Variants in PPFIBP2 observed in about 807,000 individuals in gnomAD.
The protein encoded by PPFIBP2 is PPFIB scaffold protein 2, also known as liprin-beta-2.
PPFIBP2 carries 118 observed loss-of-function variants against 118.3 expected under a neutral mutation model. The ratio of observed to expected loss-of-function variants is 1.00; its 90% confidence interval spans 0.86 to 1.16. The LOEUF (loss-of-function observed/expected upper bound fraction) is 1.16. Among genes scored for constraint, PPFIBP2 ranks in the 50% most tolerant of loss-of-function variants. The probability of loss-of-function intolerance (pLI) is 0.00; values close to 1 mark genes in which losing one functional copy is unlikely to be tolerated. For missense variants in PPFIBP2, 1,195 were observed against 1,073.1 expected, an observed-to-expected ratio of 1.11 and a Z score of -1.59; for synonymous variants, 414 against 397.4, an observed-to-expected ratio of 1.04 and a Z score of -0.50.
chr11:7,642,573 G>A (rs528797121), intron 17 of PPFIBP2, 147 bp downstream of exon 17: 8 of 862,070 alleles, frequency 9.3e-6, no homozygotes, highest in African/African-American at 1.7e-5. Context: ...CCTACAGTAC[G>A]TCATTTCCAG....
chr11:7,634,910 C>G (rs988661325), intron 13 of PPFIBP2, among the ~76,000 whole-genome samples: 1 of 152,030 alleles, frequency 6.6e-6, no homozygotes. Context: ...ACTACTAGTC[C>G]TATATCCCTG....
At chr11:7,550,045 G>A (rs542717445) in intron 2 of PPFIBP2, among the ~76,000 whole-genome samples, 1 of 152,118 alleles carries the variant, frequency 6.6e-6, no homozygotes, top group African/African-American at 2.4e-5. Flanking sequence ...CAACTGTTTG[G>A]TTTTAATATT....
intron 17 of PPFIBP2, chr11:7,648,123 G>A: frequency 2.5e-6 from 1 of 397,176 alleles, no homozygotes; most frequent in East Asian, 4.5e-5. Context: ...ATCTCAGGAG[G>A]GCCATACAGG....
intron 2 of PPFIBP2, among the ~76,000 whole-genome samples, chr11:7,561,170 C>T (rs1012591358): frequency 3.3e-5 from 5 of 152,162 alleles, no homozygotes; most frequent in African/African-American, 4.8e-5. Flanking sequence ...CAGGTTCAAG[C>T]GATTTTTCTG....
Position 7,639,870 on chromosome 11 carries a change from A to C in PPFIBP2, c.1375A>C (p.Arg459=). ...CACGGGGAGCAGCCTGCTGAGGCTG[A>C]GTGAGTGTCCAGCCCTGGTGCTGGT... ...DATGSSLLRL[R]DTESGWDDTA... The change falls in exon 15 of 24, where the codon AGA becomes CGA. Residue 459 remains arginine, a splice_region_variant and synonymous_variant. Coordinates refer to ENST00000299492, the MANE Select transcript of PPFIBP2 (RefSeq NM_003621.5). The C allele has an allele frequency of 6.2e-7, 1 of 1,613,720 alleles. No individual in the cohort carries two copies. Among genetic ancestry groups the C allele is most frequent in the Non-Finnish European group, 8.5e-7 (1 of 1,179,856 alleles).
At chr11:7,621,878 A>T (rs1490183034) in intron 7 of PPFIBP2, among the ~76,000 whole-genome samples, 1 of 152,206 alleles carries the variant, frequency 6.6e-6, no homozygotes, top group Admixed American at 6.5e-5. Flanking sequence ...TGTGCAAGTT[A>T]GTTGCTAATT....
chr11:7,649,757 C>T, intron 21 of PPFIBP2, 103 bp downstream of exon 21: 1 of 1,490,118 alleles, frequency 6.7e-7, no homozygotes, highest in Non-Finnish European at 9.1e-7. Flanking sequence ...CTGTTTTTTG[C>T]ACCATGGTGC....
At chr11:7,582,715 G>A (rs61890235) in intron 3 of PPFIBP2, among the ~76,000 whole-genome samples, 37 of 148,202 alleles carry the variant, frequency 2.5e-4, no homozygotes, top group African/African-American at 7.5e-4. Context: ...CAATGTCATA[G>A]GAAAAAAAAA....
At chr11:7,620,644 T>G (rs7118058) in intron 6 of PPFIBP2, among the ~76,000 whole-genome samples, 126,663 of 152,116 alleles carry the variant, frequency 0.83, 53,733 homozygotes, top group Non-Finnish European at 0.92. Context: ...TACTCATGTG[T>G]GTGATGTTGG....
chr11:7,634,279 C>G (rs1158913475), intron 12 of PPFIBP2, among the ~76,000 whole-genome samples: 3 of 152,212 alleles, frequency 2.0e-5, no homozygotes, highest in Admixed American at 6.5e-5. Flanking sequence ...TTAAGTGACC[C>G]TGTCATGCCC....
At chr11:7,629,199 G>A (rs1395133652) in intron 9 of PPFIBP2, among the ~76,000 whole-genome samples, 3 of 152,156 alleles carry the variant, frequency 2.0e-5, no homozygotes, top group East Asian at 1.9e-4. Context: ...AGTGAGTTTC[G>A]TGCTTCTGAA....
At chr11:7,639,594 T>TA in intron 14 of PPFIBP2, 138 bp from the exon 15 acceptor site, 1 of 1,102,484 alleles carries the variant, frequency 9.1e-7, no homozygotes. Flanking sequence ...ACTAGCTAAA[T>TA]AATCTTTGAG....
At chr11:7,532,826 C>G (rs1264324726) in intron 1 of PPFIBP2, among the ~76,000 whole-genome samples, 1 of 152,180 alleles carries the variant, frequency 6.6e-6, no homozygotes, top group Non-Finnish European at 1.5e-5. Flanking sequence ...TGCATTGAAT[C>G]AAAATTAAAC....
At chr11:7,656,920 C>A, downstream of PPFIBP2, 1 of 683,964 alleles carries the variant, frequency 1.5e-6, no homozygotes, top group Non-Finnish European at 2.3e-6. Context: ...GTGTCTCAGA[C>A]AGGCTGCTGA....
At chr11:7,592,440 C>T (rs1859506621) in intron 3 of PPFIBP2, among the ~76,000 whole-genome samples, 1 of 152,102 alleles carries the variant, frequency 6.6e-6, no homozygotes, top group African/African-American at 2.4e-5. Context: ...TCTGGCATCC[C>T]TCTGGCTATT....
chr11:7,537,082 G>T (rs374607858), intron 1 of PPFIBP2, among the ~76,000 whole-genome samples: 1 of 152,090 alleles, frequency 6.6e-6, no homozygotes, highest in African/African-American at 2.4e-5. Flanking sequence ...CTCCTCCTAC[G>T]TTATTGCTGG....
chr11:7,523,759 C>A (rs181148840), intron 1 of PPFIBP2, among the ~76,000 whole-genome samples: 2 of 152,252 alleles, frequency 1.3e-5, no homozygotes, highest in Non-Finnish European at 2.9e-5. Flanking sequence ...CTGTGGTGTT[C>A]CCAGGTGGCT....
At chr11:7,597,050 T>C in intron 4 of PPFIBP2, 1 of 829,262 alleles carries the variant, frequency 1.2e-6, no homozygotes, top group Non-Finnish European at 1.7e-6. Flanking sequence ...TCAGTGCTAA[T>C]ACATGCCCTT....
chr11:7,546,674 G>T (rs899082070), intron 1 of PPFIBP2, among the ~76,000 whole-genome samples: 5 of 152,208 alleles, frequency 3.3e-5, no homozygotes, highest in African/African-American at 1.2e-4. Flanking sequence ...TTGAGCAGCT[G>T]GGTGCTCCTG....
Sources: allele counts gnomAD v4.1 joint callset (sites outside exome capture counted in the v4.1 genomes callset), GRCh38; gene constraint gnomAD v4.1.1; transcripts MANE v1.5; gene names NCBI Gene and HGNC (gene_info 2026-07-23, HGNC 2026-07-21).